The following MSRB3 variants were observed in gnomAD, a reference collection of about 807,000 sequenced individuals.
MSRB3 encodes the protein methionine-R-sulfoxide reductase B3.
Under a neutral mutation model 21.0 loss-of-function variants are expected in MSRB3, and 13 were observed. The ratio of observed to expected loss-of-function variants is 0.62; its 90% CI spans 0.40 to 0.98. The LOEUF is 0.98. Ranked by LOEUF, MSRB3 falls within the 50% of genes least tolerant of loss-of-function variation. The pLI is 0.00. For synonymous variants in MSRB3, 87 were observed against 88.6 expected (o/e 0.98, Z 0.10); for missense variants, 199 against 230.3 (o/e 0.86, Z 0.88).
intron 6 of MSRB3, 135 bp from the exon 7 acceptor site, chr12:65,463,020 C>G: frequency 9.2e-7 from 1 of 1,090,500 alleles, no homozygotes. Flanking sequence ...TATTGACAGG[C>G]GGATTAGAAA....
intron 4 of MSRB3, among the ~76,000 whole-genome samples, chr12:65,358,106 T>G (rs1302848148): frequency 6.6e-6 from 1 of 151,878 alleles, no homozygotes; most frequent in Non-Finnish European, 1.5e-5. Flanking sequence ...TCTTTTATTT[T>G]TATTTATTAT....
At chr12:65,398,938 AG>A (rs1324209241) in intron 5 of MSRB3, among the ~76,000 whole-genome samples, 1 of 151,948 alleles carries the variant, frequency 6.6e-6, no homozygotes, top group Admixed American at 6.6e-5. Context: ...GTTATTTCTG[AG>A]GCCTCTGTTC....
chr12:65,419,743 TAGG>T (rs1467779395), intron 5 of MSRB3: 1 of 999,178 alleles, frequency 1.0e-6, no homozygotes, highest in African/African-American at 1.6e-5. Context: ...GTCCAGGTAG[TAGG>T]CCAGGCGGTC....
chr12:65,450,595 A>C (rs771254605), intron 5 of MSRB3, among the ~76,000 whole-genome samples: 1 of 152,242 alleles, frequency 6.6e-6, no homozygotes, highest in Non-Finnish European at 1.5e-5. Context: ...CATGGAATGC[A>C]TCCAAAACAA....
In MSRB3 at chr12:65,345,740, C is replaced by A. The variant is rs375433445; in HGVS notation, c.263+17137C>A. Among the ~76,000 whole-genome samples the A allele has an allele frequency of 5.9e-5, 9 of 152,198 alleles. No homozygotes were observed. In the South Asian group the frequency reaches 1.7e-3, roughly 28 times the overall value. Reference sequence around the variant, plus strand: ...ATGCTATCCCTCCCCACTCACCCCACCCCACAACACGCCACGGTGTGTGAT... The same window carrying A: ...ATGCTATCCCTCCCCACTCACCCCAACCCACAACACGCCACGGTGTGTGAT... On this transcript the variant is annotated intron_variant, in intron 4 of 6. Coordinates refer to ENST00000308259, the MANE Select transcript of MSRB3 (RefSeq NM_001031679.3).
intron 5 of MSRB3, among the ~76,000 whole-genome samples, chr12:65,444,637 A>G (rs1379363495): frequency 6.6e-6 from 1 of 152,160 alleles, no homozygotes; most frequent in Non-Finnish European, 1.5e-5. Context: ...CCTTCCCTGC[A>G]GGTTGTAAAA....
At chr12:65,352,220 T>G (rs959010647) in intron 4 of MSRB3, among the ~76,000 whole-genome samples, 2 of 152,146 alleles carry the variant, frequency 1.3e-5, no homozygotes, top group Admixed American at 1.3e-4. Context: ...AACCACATAA[T>G]TATCTCAATA....
chr12:65,350,486 T>C (rs896579483), intron 4 of MSRB3, among the ~76,000 whole-genome samples: 4 of 151,184 alleles, frequency 2.6e-5, no homozygotes, highest in African/African-American at 7.4e-5. Context: ...GTAAATGGAC[T>C]AAATGCTCCA....
chr12:65,443,615 A>G (rs1028410397), intron 5 of MSRB3, among the ~76,000 whole-genome samples: 1 of 152,130 alleles, frequency 6.6e-6, no homozygotes, highest in African/African-American at 2.4e-5. Flanking sequence ...CAAGGAGCTC[A>G]CTGATTCAGT....
chr12:65,379,168 TTCCATCCATCCATCCATCCATCCATCCA>T (rs58173378), intron 5 of MSRB3, among the ~76,000 whole-genome samples: 1 of 148,336 alleles, frequency 6.7e-6, no homozygotes, highest in Non-Finnish European at 1.5e-5. Flanking sequence ...TCAACCATCC[TTCCATCCATCCATCCATCCATCCATCCA>T]TCCATCCATC....
intron 1 of MSRB3, chr12:65,281,926 A>G (rs1872046074): frequency 6.6e-6 from 1 of 152,250 alleles, no homozygotes; most frequent in Non-Finnish European, 1.5e-5. Context: ...TTAATTTGCC[A>G]GTTGTTAGTT....
intron 4 of MSRB3, among the ~76,000 whole-genome samples, chr12:65,349,054 C>T (rs1266219457): frequency 6.6e-6 from 1 of 152,038 alleles, no homozygotes; most frequent in Non-Finnish European, 1.5e-5. Flanking sequence ...GCTATCCCTC[C>T]CCCTTCTCCC....
chr12:65,407,246 A>ATT (rs917937712), intron 5 of MSRB3, among the ~76,000 whole-genome samples: 1 of 147,236 alleles, frequency 6.8e-6, no homozygotes, highest in African/African-American at 2.5e-5. Context: ...AAAAACCGCA[A>ATT]TTTTTTTTTT....
intron 5 of MSRB3, among the ~76,000 whole-genome samples, chr12:65,380,541 C>T (rs953390311): frequency 2.6e-5 from 4 of 152,120 alleles, no homozygotes; most frequent in African/African-American, 9.7e-5. Flanking sequence ...CACCACTGTA[C>T]TCCAGCCTAG....
At chr12:65,358,902 C>A (rs1470205546) in intron 4 of MSRB3, among the ~76,000 whole-genome samples, 1 of 151,882 alleles carries the variant, frequency 6.6e-6, no homozygotes, top group Non-Finnish European at 1.5e-5. Flanking sequence ...TATCTCTTAG[C>A]ATTCTCTGTC....
chr12:65,355,462 T>C (rs917846149), intron 4 of MSRB3, among the ~76,000 whole-genome samples: 2 of 151,922 alleles, frequency 1.3e-5, no homozygotes, highest in Admixed American at 1.3e-4. Context: ...TGGCTGGCCA[T>C]GATTCCTTCT....
intron 2 of MSRB3, chr12:65,315,907 A>G (rs1413633495): frequency 1.3e-5 from 2 of 152,204 alleles, no homozygotes; most frequent in African/African-American, 2.4e-5. Flanking sequence ...AAAATTCAGA[A>G]TCCTGTAACT....
chr12:65,352,756 A>G (rs1482663409), intron 4 of MSRB3, among the ~76,000 whole-genome samples: 3 of 147,054 alleles, frequency 2.0e-5, no homozygotes, highest in Non-Finnish European at 4.5e-5. Flanking sequence ...CCAACTTACA[A>G]GGGATGTGAA....
chr12:65,419,448 GTCA>G, intron 5 of MSRB3: 1 of 748,150 alleles, frequency 1.3e-6, no homozygotes, highest in Non-Finnish European at 2.5e-6. Flanking sequence ...TGACACTGGT[GTCA>G]TCAATGACCT....
Sources: gnomAD v4.1 joint callset for allele counts (sites outside exome capture counted in the v4.1 genomes callset) on GRCh38, gnomAD v4.1.1 for gene constraint, MANE v1.5 for transcripts, NCBI Gene and HGNC (gene_info 2026-07-23, HGNC 2026-07-21) for gene names.